Variants in DCHS2 observed in about 807,000 individuals in gnomAD.
DCHS2 encodes dachsous cadherin-related 2, also known as protocadherin-23.
DCHS2 carries 142 observed loss-of-function variants against 182.4 expected under a neutral mutation model. That is an observed-to-expected ratio of 0.78 (90% CI 0.68 to 0.89). The LOEUF is 0.89. DCHS2 is among the 40% of genes least tolerant of loss of function. The probability of loss-of-function intolerance (pLI) is 0.00; values close to 1 mark genes in which losing one functional copy is unlikely to be tolerated. For synonymous variants in DCHS2, 1,740 were observed against 1,663.3 expected, an observed-to-expected ratio of 1.05 and a Z score of -1.12; for missense variants, 4,319 against 4,198.6, an observed-to-expected ratio of 1.03 and a Z score of -0.79.
intron 1 of DCHS2, among the ~76,000 whole-genome samples, chr4:154,391,636 A>G (rs774749807): frequency 4.6e-5 from 7 of 151,974 alleles, no homozygotes; most frequent in Admixed American, 1.3e-4. Context: ...ACATCTCAAC[A>G]CCCTCTCGAC....
rs72971918 is a variant in DCHS2, at chr4:154,480,881, G to T, written c.2052+8423C>A. The stretch of plus-strand genomic sequence containing the variant: ...TGGCCTCAAGCACTCACCAACAGAG[G>T]CCTCCCAAAGTGCTGAGATTACAGA... On this transcript the variant is annotated intron_variant, in intron 1 of 19. Transcript: ENST00000357232. Among the ~76,000 whole-genome samples, 1,193 of 152,006 alleles carry T rather than the reference G, an allele frequency of 7.8e-3. 23 individuals carry two copies. The highest frequency in any genetic ancestry group is 0.026 in the African/African-American group (1,079 of 41,456).
Position 154,275,373 on chromosome 4 carries a change from C to T in DCHS2, c.6464-5360G>A, listed in dbSNP as rs139717185. Among the ~76,000 whole-genome samples, 814 of 152,092 alleles carry T rather than the reference C, an allele frequency of 5.4e-3. 8 individuals are homozygous for T. The highest frequency in any genetic ancestry group is 0.016 in the African/African-American group (672 of 41,514). ...AAAATCATTTATCAGGATTTCCAAA[C>T]GGTTATTCTTTTCAAGCCAGTTAGG... On this transcript the variant is annotated intron_variant, in intron 13 of 19. Coordinates refer to ENST00000357232, the MANE Select transcript of DCHS2 (RefSeq NM_001358235.2).
At chr4:154,290,791 A>AATGG (rs1042037356) in intron 13 of DCHS2, among the ~76,000 whole-genome samples, 2 of 152,162 alleles carry the variant, frequency 1.3e-5, no homozygotes, top group African/African-American at 4.8e-5. Context: ...ATTAAATCAA[A>AATGG]ATGGATTAAA....
chr4:154,332,519 A>C lies in DCHS2; in HGVS notation c.3689T>G (p.Leu1230Arg). ...CTTGAAGAATTTTCCATCAGACAAA[A>C]GGAAATATAATAGCTGTCCATTCTT... ...SGKNGQLLYF[L>R]LSDGKFFKMN... is the part of the protein sequence containing the mutation. Residue 1230 changes from leucine to arginine, a missense_variant, in exon 5 of 20, where the codon CTT becomes CGT. Coordinates refer to ENST00000357232, the MANE Select transcript of DCHS2 (RefSeq NM_001358235.2). 1 of 1,613,954 alleles carries C rather than the reference A, an allele frequency of 6.2e-7. No individual in the cohort carries two copies. Among genetic ancestry groups the C allele is most frequent in the East Asian group, 2.2e-5 (1 of 44,878 alleles).
In DCHS2 at chr4:154,465,711, A is replaced by G. The variant is rs78610335; in HGVS notation, c.2052+23593T>C. ...CATACCATTACTTCTACCATTTTCT[A>G]TTAGTCAGAAGTGAGTTACTAAGTC... On this transcript the variant is annotated intron_variant, in intron 1 of 19. Transcript: ENST00000357232. 4.0e-3 allele frequency among the ~76,000 whole-genome samples: 614 copies of G among 152,070 alleles called. 4 individuals carry two copies. The highest frequency in any genetic ancestry group is 6.8e-3 in the Non-Finnish European group (464 of 67,984).
chr4:154,246,342 G>C (rs1732066840), intron 16 of DCHS2, among the ~76,000 whole-genome samples: 2 of 152,134 alleles, frequency 1.3e-5, no homozygotes, highest in Non-Finnish European at 2.9e-5. Flanking sequence ...CTGGAGAACT[G>C]AAAGTCCCCT....
intron 12 of DCHS2, among the ~76,000 whole-genome samples, chr4:154,303,077 G>A (rs982321777): frequency 6.7e-6 from 1 of 149,542 alleles, no homozygotes; most frequent in Non-Finnish European, 1.5e-5. Flanking sequence ...TGCCTCCTAA[G>A]TTCAAGTGAT....
intron 1 of DCHS2, among the ~76,000 whole-genome samples, chr4:154,472,010 G>T (rs1438107062): frequency 7.0e-6 from 1 of 142,492 alleles, no homozygotes; most frequent in East Asian, 2.1e-4. Flanking sequence ...CTCATGTCCT[G>T]TTAGTCTCTA....
chr4:154,352,059 A>G (rs1729644299), intron 3 of DCHS2, among the ~76,000 whole-genome samples: 1 of 152,188 alleles, frequency 6.6e-6, no homozygotes. Flanking sequence ...ACACATGCAC[A>G]CACACACACA....
chr4:154,488,214 C>CAA (rs36027457), intron 1 of DCHS2, among the ~76,000 whole-genome samples: 102 of 146,892 alleles, frequency 6.9e-4, no homozygotes, highest in East Asian at 2.6e-3. Flanking sequence ...AAATCGGAAG[C>CAA]AAAAAAAAAA....
At chr4:154,342,720 T>C (rs1261600444) in intron 3 of DCHS2, among the ~76,000 whole-genome samples, 2 of 152,212 alleles carry the variant, frequency 1.3e-5, no homozygotes, top group Non-Finnish European at 2.9e-5. Flanking sequence ...TTGCTATTTT[T>C]ACCACTTCAC....
At chr4:154,300,633 T>A (rs1329484864) in intron 12 of DCHS2, among the ~76,000 whole-genome samples, 1 of 151,586 alleles carries the variant, frequency 6.6e-6, no homozygotes, top group Non-Finnish European at 1.5e-5. Context: ...CAGGCTGCAG[T>A]GAGCTGTGAT....
At chr4:154,322,758 A>G (rs978646736) in intron 7 of DCHS2, 1 of 333,416 alleles carries the variant, frequency 3.0e-6, no homozygotes, top group Non-Finnish European at 5.4e-6. Flanking sequence ...CTCATGGCCA[A>G]TCTTATTTCA....
In DCHS2 at chr4:154,490,288, G is replaced by A. The variant is rs1284817944; in HGVS notation, c.1068C>T (p.Phe356=). The A allele has an allele frequency of 6.5e-7, 1 of 1,547,944 alleles. No homozygotes were observed. Among genetic ancestry groups the A allele is most frequent in the Non-Finnish European group, 8.7e-7 (1 of 1,146,678 alleles). ...GGGALGDAAY[F]AVEELSGVVR... is the part of the protein sequence containing the mutation. Reference sequence around the variant, plus strand: ...CCACGCCGCTCAGCTCCTCCACCGCGAAGTAGGCCGCGTCGCCCAGTGCCC... The same window carrying A: ...CCACGCCGCTCAGCTCCTCCACCGCAAAGTAGGCCGCGTCGCCCAGTGCCC... Residue 356 remains phenylalanine (F), a synonymous_variant, in exon 1 of 20, where the codon TTC becomes TTT. Transcript: ENST00000357232.
At chr4:154,355,458 C>CATTAT (rs1729817013) in intron 3 of DCHS2, 2 of 152,148 alleles carry the variant, frequency 1.3e-5, no homozygotes, top group African/African-American at 4.8e-5. Context: ...AGAAATAATC[C>CATTAT]ATGCCTTGTT....
chr4:154,471,684 T>C (rs1735475586), intron 1 of DCHS2, among the ~76,000 whole-genome samples: 1 of 152,126 alleles, frequency 6.6e-6, no homozygotes, highest in African/African-American at 2.4e-5. Flanking sequence ...AGTCGCATTA[T>C]GGTCACGTGC....
At chr4:154,482,314 T>C (rs899008089) in intron 1 of DCHS2, among the ~76,000 whole-genome samples, 1 of 152,246 alleles carries the variant, frequency 6.6e-6, no homozygotes, top group African/African-American at 2.4e-5. Flanking sequence ...AAATTCCATA[T>C]GTCATTTCTT....
intron 12 of DCHS2, among the ~76,000 whole-genome samples, chr4:154,303,484 C>CAAAAAA: frequency 1.2e-5 from 1 of 84,410 alleles, no homozygotes; most frequent in Non-Finnish European, 2.4e-5. Context: ...GTAAGTGAAG[C>CAAAAAA]AAAAAAAAAA....
intron 1 of DCHS2, among the ~76,000 whole-genome samples, chr4:154,420,004 G>C (rs558549697): frequency 6.6e-6 from 1 of 152,080 alleles, no homozygotes; most frequent in South Asian, 2.1e-4. Flanking sequence ...CATCCTTTTT[G>C]GTAGCAGTAC....
Sources: gnomAD v4.1 joint callset for allele counts (sites outside exome capture counted in the v4.1 genomes callset) on GRCh38, gnomAD v4.1.1 for gene constraint, MANE v1.5 for transcripts, NCBI Gene and HGNC (gene_info 2026-07-23, HGNC 2026-07-21) for gene names.